The following RBFOX1 variants were observed in gnomAD, a reference collection of about 807,000 sequenced individuals.
The protein encoded by RBFOX1 is RNA binding protein fox-1 homolog 1.
A neutral mutation model predicts 57.7 loss-of-function variants in RBFOX1; 8 were observed. The observed-to-expected ratio is 0.14, with a 90% CI of 0.08 to 0.25. The LOEUF is 0.25. Ranked by LOEUF, RBFOX1 falls within the 10% of genes least tolerant of loss-of-function variation. RBFOX1 has a pLI of 1.00. For missense variants in RBFOX1, 611 were observed against 548.5 expected (o/e 1.11, Z -1.14); for synonymous variants, 326 against 222.4 (o/e 1.47, Z -4.15).
chr16:5,253,737 C>T (rs1272448452), intron 1 of RBFOX1, among the ~76,000 whole-genome samples: 2 of 152,204 alleles, frequency 1.3e-5, no homozygotes, highest in African/African-American at 2.4e-5. Flanking sequence ...TGTGATTATC[C>T]ACATGTTCAT....
At chr16:5,659,305 T>G (rs1325645267) in intron 3 of RBFOX1, among the ~76,000 whole-genome samples, 1 of 130,246 alleles carries the variant, frequency 7.7e-6, no homozygotes, top group Non-Finnish European at 1.5e-5. Context: ...TGGTATATCT[T>G]TTTTTTTTTT....
chr16:6,640,745 C>G (rs1291708984), intron 2 of RBFOX1, among the ~76,000 whole-genome samples: 1 of 152,016 alleles, frequency 6.6e-6, no homozygotes, highest in Non-Finnish European at 1.5e-5. Context: ...AAAACTCCTT[C>G]TGAAGGATAC....
chr16:7,029,063 TATATATATATATATATATACAC>T (rs1188748945), intron 3 of RBFOX1, among the ~76,000 whole-genome samples: 9 of 32,648 alleles, frequency 2.8e-4, no homozygotes, highest in African/African-American at 2.0e-3. Flanking sequence ...TATATATATA[TATATATATATATATATATACAC>T]ACACACACAC....
At chr16:5,725,772 T>A (rs1450550291) in intron 3 of RBFOX1, among the ~76,000 whole-genome samples, 1 of 152,014 alleles carries the variant, frequency 6.6e-6, no homozygotes, top group Non-Finnish European at 1.5e-5. Flanking sequence ...TTCCCAAGAA[T>A]GGCACTGCTA....
intron 1 of RBFOX1, among the ~76,000 whole-genome samples, chr16:5,328,321 C>T (rs1320262346): frequency 6.6e-6 from 1 of 152,124 alleles, no homozygotes; most frequent in Non-Finnish European, 1.5e-5. Flanking sequence ...AGGATGCATG[C>T]ATAGAGGAAA....
chr16:6,550,158 G>A (rs919794212), intron 2 of RBFOX1, among the ~76,000 whole-genome samples: 3 of 151,866 alleles, frequency 2.0e-5, no homozygotes, highest in African/African-American at 7.3e-5. Flanking sequence ...ATCTCTCACT[G>A]TTCTTCATGG....
chr16:6,605,682 C>G (rs540356379), intron 2 of RBFOX1, among the ~76,000 whole-genome samples: 73 of 152,340 alleles, frequency 4.8e-4, no homozygotes, highest in South Asian at 1.7e-3. Context: ...TGGCTCCCCG[C>G]CAGGCTCTGG....
At chr16:5,397,897 A>G (rs182421568) in intron 1 of RBFOX1, among the ~76,000 whole-genome samples, 12 of 152,322 alleles carry the variant, frequency 7.9e-5, no homozygotes, top group Admixed American at 7.2e-4. Flanking sequence ...ATGTTTGGTG[A>G]CTTCCAATTA....
chr16:7,570,955 C>G (rs912614410), intron 5 of RBFOX1, among the ~76,000 whole-genome samples: 21 of 152,130 alleles, frequency 1.4e-4, no homozygotes, highest in Admixed American at 5.2e-4. Context: ...GAGCTGGAAG[C>G]TTTATACTCA....
At chr16:6,029,323 C>G (rs991157514) in intron 1 of RBFOX1, among the ~76,000 whole-genome samples, 5 of 152,204 alleles carry the variant, frequency 3.3e-5, no homozygotes, top group African/African-American at 1.2e-4. Context: ...AAACTTATTT[C>G]TACTGAATTG....
chr16:6,378,738 A>G (rs7185662), intron 2 of RBFOX1, among the ~76,000 whole-genome samples: 4,713 of 151,144 alleles, frequency 0.031, 263 homozygotes, highest in African/African-American at 0.11. Flanking sequence ...CCCCCTCATC[A>G]CTCCTGGTCT....
chr16:6,754,966 G>C (rs2075555829), intron 3 of RBFOX1, among the ~76,000 whole-genome samples: 1 of 151,566 alleles, frequency 6.6e-6, no homozygotes, highest in Non-Finnish European at 1.5e-5. Context: ...TTGGTTTTTT[G>C]TTCTTGGGAT....
intron 4 of RBFOX1, among the ~76,000 whole-genome samples, chr16:5,935,659 G>A (rs1475419905): frequency 6.6e-6 from 1 of 152,200 alleles, no homozygotes; most frequent in Non-Finnish European, 1.5e-5. Context: ...CTGACCCTAG[G>A]AAGGGCGGTC....
chr16:5,499,070 C>G (rs1398724793), intron 2 of RBFOX1, among the ~76,000 whole-genome samples: 1 of 152,156 alleles, frequency 6.6e-6, no homozygotes, highest in South Asian at 2.1e-4. Flanking sequence ...CCAGGTGGTG[C>G]TCATGCTTGC....
At chr16:7,417,454 C>T (rs1353909865) in intron 4 of RBFOX1, among the ~76,000 whole-genome samples, 3 of 151,088 alleles carry the variant, frequency 2.0e-5, no homozygotes, top group South Asian at 2.1e-4. Context: ...AACCAAAGTA[C>T]ACCACCACCA....
chr16:7,269,683 C>G (rs960322839), intron 4 of RBFOX1, among the ~76,000 whole-genome samples: 1 of 152,058 alleles, frequency 6.6e-6, no homozygotes, highest in African/African-American at 2.4e-5. Context: ...TATCTTTCTC[C>G]CTTACTATTA....
In RBFOX1 at chr16:7,223,587, A is replaced by G. The variant is rs1368154619; in HGVS notation, c.27+171489A>G. On this transcript the variant is annotated intron_variant, in intron 4 of 15. Transcript: ENST00000550418. ...AGTAATTGTGCAGGAGATCCAACTC[A>G]CATCCACCTCAGCTTAACTGCCTCT... 3.9e-5 allele frequency among the ~76,000 whole-genome samples: 6 copies of G among 152,158 alleles called. No homozygotes were observed. The East Asian group carries it at 1.2e-3, about 29-fold the overall frequency.
At chr16:6,273,448 G>A (rs998025563) in intron 1 of RBFOX1, among the ~76,000 whole-genome samples, 4 of 143,622 alleles carry the variant, frequency 2.8e-5, no homozygotes, top group Admixed American at 7.2e-5. Flanking sequence ...AGCTTCCAGC[G>A]ATTCTCCTGC....
chr16:6,007,001 A>T (rs925769916), intron 4 of RBFOX1, among the ~76,000 whole-genome samples: 1 of 151,502 alleles, frequency 6.6e-6, no homozygotes, highest in Non-Finnish European at 1.5e-5. Flanking sequence ...GGATGTGACA[A>T]TATGGATTTA....
Sources: allele counts gnomAD v4.1 joint callset (sites outside exome capture counted in the v4.1 genomes callset), GRCh38; gene constraint gnomAD v4.1.1; transcripts MANE v1.5; gene names NCBI Gene and HGNC (gene_info 2026-07-23, HGNC 2026-07-21).